The following DUSP13B variants were observed in gnomAD, a reference collection of about 807,000 sequenced individuals.
DUSP13B encodes the protein dual specificity phosphatase 13B.
chr10:75,098,067 G>A, the DUSP13B span, among the ~76,000 whole-genome samples: 5 of 152,218 alleles, frequency 3.3e-5, no homozygotes. Flanking sequence ...CTTCCCCAGG[G>A]AACAAGGGAA....
the DUSP13B span, chr10:75,095,794 AC>A: frequency 8.1e-6 from 13 of 1,613,796 alleles, no homozygotes; most frequent in Admixed American, 1.2e-4. Context: ...CGGGCTGCGT[AC>A]CTGGAGGAGA....
the DUSP13B span, among the ~76,000 whole-genome samples, chr10:75,097,100 T>C: frequency 6.6e-6 from 1 of 152,182 alleles, no homozygotes; most frequent in Admixed American, 6.5e-5. Context: ...AATAGAAAAG[T>C]TATAATGAGA....
chr10:75,095,601 A>T, the DUSP13B span: 2 of 1,614,126 alleles, frequency 1.2e-6, no homozygotes. Context: ...GGCAGCTCGG[A>T]TGTATCGAGC....
chr10:75,105,839 C>A, the DUSP13B span: 4 of 1,550,624 alleles, frequency 2.6e-6, no homozygotes, highest in Non-Finnish European at 2.6e-6. Flanking sequence ...GAGCGGCTCA[C>A]GCCCACCACA....
the DUSP13B span, chr10:75,094,513 A>G: frequency 1.4e-6 from 1 of 694,090 alleles, no homozygotes; most frequent in Non-Finnish European, 2.4e-6. Context: ...TGGGTCAGGG[A>G]AATCCACCCG....
chr10:75,094,767 T>C, the DUSP13B span: 3 of 1,614,132 alleles, frequency 1.9e-6, no homozygotes, highest in Non-Finnish European at 2.5e-6. Context: ...GCGGTGGGCC[T>C]GCACCGTCTG....
the DUSP13B span, among the ~76,000 whole-genome samples, chr10:75,104,890 G>A: frequency 6.6e-6 from 1 of 152,014 alleles, no homozygotes; most frequent in Non-Finnish European, 1.5e-5. Flanking sequence ...GCTCTTAGGG[G>A]TGGGAGGCAG....
the DUSP13B span, chr10:75,095,448 C>T: frequency 1.2e-6 from 1 of 814,670 alleles, no homozygotes; most frequent in Non-Finnish European, 2.0e-6. Context: ...AGCTATTTTC[C>T]CTATGGAGTG....
chr10:75,104,136 C>A, the DUSP13B span: 1 of 1,300,056 alleles, frequency 7.7e-7, no homozygotes, highest in East Asian at 5.4e-5. Flanking sequence ...GGCAGGTGAA[C>A]CAAGGCCCAG....
chr10:75,095,678 C>T, the DUSP13B span: 1 of 1,614,228 alleles, frequency 6.2e-7, no homozygotes, highest in Non-Finnish European at 8.5e-7. Flanking sequence ...CATAGTACTC[C>T]AGGGACATTC....
the DUSP13B span, among the ~76,000 whole-genome samples, chr10:75,096,236 C>T: frequency 2.0e-5 from 3 of 152,012 alleles, no homozygotes; most frequent in African/African-American, 7.3e-5. Flanking sequence ...GCCTGGGCAA[C>T]AGAGCTAGAC....
the DUSP13B span, chr10:75,104,030 A>G: frequency 7.3e-7 from 1 of 1,363,156 alleles, no homozygotes; most frequent in Non-Finnish European, 9.8e-7. Context: ...AGCCTCCAGC[A>G]GCACCAGCAG....
the DUSP13B span, chr10:75,099,072 G>A: frequency 8.1e-7 from 1 of 1,232,406 alleles, no homozygotes; most frequent in Non-Finnish European, 1.0e-6. Flanking sequence ...GCCCCACCCG[G>A]GTCAGGTAGC....
At chr10:75,104,553 G>A in the DUSP13B span, among the ~76,000 whole-genome samples, 2 of 152,190 alleles carry the variant, frequency 1.3e-5, no homozygotes, top group African/African-American at 4.8e-5. Flanking sequence ...GGCATGGTCC[G>A]AGATCTGATG....
At chr10:75,101,837 ACC>A in the DUSP13B span, 1 of 1,333,050 alleles carries the variant, frequency 7.5e-7, no homozygotes, top group Non-Finnish European at 1.0e-6. Context: ...ACCACATCCT[ACC>A]CCCCCCAAAT....
chr10:75,108,865 G>A, the DUSP13B span: 4 of 1,092,158 alleles, frequency 3.7e-6, no homozygotes, highest in Admixed American at 3.5e-5. Context: ...CAGCACCCCC[G>A]GGGGTCCTGG....
At chr10:75,100,839 C>T in the DUSP13B span, among the ~76,000 whole-genome samples, 1 of 152,260 alleles carries the variant, frequency 6.6e-6, no homozygotes, top group African/African-American at 2.4e-5. Flanking sequence ...CATCCTCCCC[C>T]AGGAAGCTCA....
the DUSP13B span, chr10:75,097,697 G>A: frequency 4.1e-4 from 639 of 1,549,072 alleles, no homozygotes; most frequent in Non-Finnish European, 5.4e-4. Context: ...CACTCCTAAC[G>A]TGGGTCTTAC....
At chr10:75,099,519 A>C in the DUSP13B span, 1 of 1,231,768 alleles carries the variant, frequency 8.1e-7, no homozygotes, top group Non-Finnish European at 1.0e-6. Context: ...TTCTGCCCAG[A>C]ACACAAACAC....
Sources: gnomAD v4.1 joint callset for allele counts (sites outside exome capture counted in the v4.1 genomes callset) on GRCh38, gnomAD v4.1.1 for gene constraint, MANE v1.5 for transcripts, NCBI Gene and HGNC (gene_info 2026-07-23, HGNC 2026-07-21) for gene names.